The following ATAD2B variants were observed in gnomAD, a reference collection of about 807,000 sequenced individuals.
ATAD2B encodes ATPase family AAA domain containing 2B, also known as ATPase family AAA domain-containing protein 2B.
In ATAD2B, 40 loss-of-function variants were observed where a neutral mutation model predicts 167.6. The observed-to-expected ratio is 0.24, with a 90% confidence interval of 0.19 to 0.31. The LOEUF (loss-of-function observed/expected upper bound fraction) is 0.31, where lower values mean the gene tolerates loss of function less well. Among genes scored for constraint, ATAD2B ranks in the 10% least tolerant of loss-of-function variants. ATAD2B has a pLI of 1.00. For synonymous variants in ATAD2B, 579 were observed against 596.5 expected (o/e 0.97, Z 0.43); for missense variants, 1,242 against 1,757.2 (o/e 0.71, Z 5.24).
intron 22 of ATAD2B, among the ~76,000 whole-genome samples, chr2:23,778,602 C>T (rs116378372): frequency 6.6e-6 from 1 of 152,104 alleles, no homozygotes; most frequent in Non-Finnish European, 1.5e-5. Flanking sequence ...AAACAGCTAA[C>T]CTTTATGGAA....
At chr2:23,728,276 T>C in the ATAD2B span, among the ~76,000 whole-genome samples, 1 of 152,334 alleles carries the variant, frequency 6.6e-6, no homozygotes, top group African/African-American at 2.4e-5. Context: ...GGAGTATCTA[T>C]ATAATAGTTC....
chr2:23,904,537 CTTTT>C (rs34666567), intron 1 of ATAD2B, among the ~76,000 whole-genome samples: 2 of 137,678 alleles, frequency 1.5e-5, no homozygotes, highest in Non-Finnish European at 1.5e-5. Context: ...ATTTTCCTTC[CTTTT>C]TTTTTTTTTT....
the ATAD2B span, among the ~76,000 whole-genome samples, chr2:23,694,018 G>A: frequency 1.3e-5 from 2 of 152,334 alleles, no homozygotes; most frequent in Non-Finnish European, 2.9e-5. Context: ...AGATCAGGTG[G>A]GAGGCAGGGT....
At chr2:23,717,331 G>A in the ATAD2B span, among the ~76,000 whole-genome samples, 2 of 152,204 alleles carry the variant, frequency 1.3e-5, no homozygotes, top group South Asian at 2.1e-4. Context: ...CCCAGCTCTC[G>A]GGGTAGTGCA....
chr2:23,732,567 T>C, the ATAD2B span, among the ~76,000 whole-genome samples: 14 of 152,312 alleles, frequency 9.2e-5, no homozygotes, highest in African/African-American at 3.4e-4. Flanking sequence ...CAGTTTTCCA[T>C]GTATGCGTTA....
the ATAD2B span, among the ~76,000 whole-genome samples, chr2:23,682,896 G>GC: frequency 1 from 152,281 of 152,284 alleles, 76,139 homozygotes; most frequent in Non-Finnish European, 1. The surrounding 1 kb of genome is among the most constrained non-coding windows in gnomAD (Gnocchi z 4.1). Context: ...ATTCGGCCTT[G>GC]CCATGGCTCC....
chr2:23,858,684 T>A (rs527980427), intron 12 of ATAD2B, among the ~76,000 whole-genome samples: 2 of 151,922 alleles, frequency 1.3e-5, no homozygotes, highest in South Asian at 4.1e-4. Flanking sequence ...GTTCTCACTA[T>A]GTTGCCCGGG....
chr2:23,852,750 C>G (rs1692769085), intron 13 of ATAD2B, among the ~76,000 whole-genome samples: 1 of 151,916 alleles, frequency 6.6e-6, no homozygotes, highest in South Asian at 2.1e-4. Flanking sequence ...GAAACCCTGT[C>G]TCTACTAAAA....
the ATAD2B span, among the ~76,000 whole-genome samples, chr2:23,734,052 C>G: frequency 6.6e-6 from 1 of 152,120 alleles, no homozygotes. Flanking sequence ...GATAACTTAT[C>G]CTCAGGGGGG....
chr2:23,759,168 CTAAA>C (rs1332826159), intron 24 of ATAD2B, among the ~76,000 whole-genome samples: 1 of 152,048 alleles, frequency 6.6e-6, no homozygotes, highest in Non-Finnish European at 1.5e-5. Flanking sequence ...ACCCCAAATT[CTAAA>C]TACTAGTTTG....
chr2:23,882,298 C>T (rs1248953378), intron 6 of ATAD2B, among the ~76,000 whole-genome samples: 5 of 151,622 alleles, frequency 3.3e-5, no homozygotes, highest in African/African-American at 7.3e-5. Context: ...CGGGTTCAGG[C>T]GATTCTCATA....
chr2:23,881,979 T>C (rs150360135), intron 6 of ATAD2B, among the ~76,000 whole-genome samples: 3,360 of 152,288 alleles, frequency 0.022, 135 homozygotes, highest in African/African-American at 0.077. Context: ...CACCTAGGCC[T>C]CCCAAAGTGC....
the ATAD2B span, among the ~76,000 whole-genome samples, chr2:23,683,605 G>A: frequency 6.6e-6 from 1 of 152,194 alleles, no homozygotes; most frequent in Admixed American, 6.5e-5. Flanking sequence ...CCAGCCCCAG[G>A]TCCAAGACAC....
chr2:23,873,940 A>T (rs1046624079), intron 8 of ATAD2B, among the ~76,000 whole-genome samples: 10 of 152,198 alleles, frequency 6.6e-5, no homozygotes, highest in Non-Finnish European at 1.2e-4. Context: ...GAATCCCAGC[A>T]CTTTGGGAGG....
chr2:23,696,161 C>T, the ATAD2B span: 2 of 1,543,878 alleles, frequency 1.3e-6, no homozygotes, highest in Non-Finnish European at 1.8e-6. The surrounding 1 kb of genome is among the most constrained non-coding windows in gnomAD (Gnocchi z 5.5). Context: ...TGGGGCGGGA[C>T]CAGGCATGGG....
the ATAD2B span, among the ~76,000 whole-genome samples, chr2:23,709,548 C>T: frequency 6.6e-6 from 1 of 151,796 alleles, no homozygotes; most frequent in African/African-American, 2.4e-5. Flanking sequence ...TTCACAGATT[C>T]GCAGAAAGCA....
rs1226921303 is a variant in ATAD2B at position 23,884,645 on chromosome 2, T to C, written c.784+120A>G. On this transcript the variant is annotated intron_variant, in intron 6 of 27. Coordinates refer to ENST00000238789, the MANE Select transcript of ATAD2B (RefSeq NM_017552.4). ...ATTTAAATTATTTCAAATTATACAATATAGACCTCAAAATCCAAAAACCAA... is the reference window on the plus strand; with the variant it reads ...ATTTAAATTATTTCAAATTATACAACATAGACCTCAAAATCCAAAAACCAA... The C allele has an allele frequency of 1.9e-5, 10 of 515,358 alleles. No individual in the cohort carries two copies. In the Admixed American group the frequency reaches 3.4e-4, roughly 18 times the overall value. The allele number at this position is 515,358 out of a possible 1,614,324, so 31.9% of individuals were successfully genotyped here.
chr2:23,871,583 T>C lies in ATAD2B; in HGVS notation c.978-1822A>G, dbSNP rs140375154. Among the ~76,000 whole-genome samples, 119 of 152,326 alleles carry C rather than the reference T, an allele frequency of 7.8e-4. 1 individual carries two copies. Among genetic ancestry groups the C allele is most frequent in the African/African-American group, 2.8e-3 (118 of 41,574 alleles). ...TTACACTTGCTGAATTCCAACCCTG[T>C]ACCAATCCAAGTAATAAAAGTAGAA... On this transcript the variant is annotated intron_variant, in intron 8 of 27. Transcript: ENST00000238789.
rs771690267 is a variant in ATAD2B, at chr2:23,749,313, T to A, written c.*2733A>T. 1.3e-5 allele frequency: 2 copies of A among 152,176 alleles called. No homozygotes were observed. Among genetic ancestry groups the A allele is most frequent in the African/African-American group, 2.4e-5 (1 of 41,460 alleles). The allele number at this position is 152,176 out of a possible 1,614,324, so 9.4% of individuals were successfully genotyped here. Reference sequence around the variant, plus strand: ...CTGAGCATGAATTATTGCTGAGCTATGCTGTGATACATATTTTACTCATCT... The same window carrying A: ...CTGAGCATGAATTATTGCTGAGCTAAGCTGTGATACATATTTTACTCATCT... On this transcript the variant is annotated 3_prime_UTR_variant, in exon 28 of 28. Transcript: ENST00000238789.
Sources: gnomAD v4.1 joint callset for allele counts (sites outside exome capture counted in the v4.1 genomes callset) on GRCh38, gnomAD v4.1.1 for gene constraint, Gnocchi (gnomAD v3.1) non-coding constraint, MANE v1.5 for transcripts, NCBI Gene and HGNC (gene_info 2026-07-23, HGNC 2026-07-21) for gene names.